BASP1: variants seen among roughly 807,000 people sequenced by gnomAD.
BASP1 encodes the protein brain abundant membrane attached signal protein 1, also known as brain acid soluble protein 1.
In BASP1, 1 loss-of-function variant was observed where a neutral mutation model predicts 2.2. That is an observed-to-expected ratio of 0.46 (90% confidence interval 0.16 to 2.17). BASP1 has a LOEUF of 2.17. BASP1 is among the 30% of genes most tolerant of loss of function. The pLI is 0.27. For synonymous variants in BASP1, 187 were observed against 154.2 expected (o/e 1.21, Z -1.58); for missense variants, 352 against 327.2 (o/e 1.08, Z -0.58).
chr5:17,227,179 T>C (rs913736509), intron 1 of BASP1, among the ~76,000 whole-genome samples: 1 of 151,668 alleles, frequency 6.6e-6, no homozygotes, highest in African/African-American at 2.4e-5. Flanking sequence ...TCCACCTGTC[T>C]TGGCCTCCCA....
At chr5:17,218,276 T>A (rs866411938) in intron 1 of BASP1, among the ~76,000 whole-genome samples, 2 of 13,754 alleles carry the variant, frequency 1.5e-4, no homozygotes, top group African/African-American at 5.6e-4. Flanking sequence ...AGATGGAGGG[T>A]GGGGGTGGGG....
In BASP1 at chr5:17,275,531, G is replaced by A. The variant is rs897016796; in HGVS notation, c.315G>A (p.Glu105=). The change falls in exon 2 of 2, where the codon GAG becomes GAA. Residue 105 remains glutamate (E), a synonymous_variant. Coordinates refer to ENST00000322611, the MANE Select transcript of BASP1 (RefSeq NM_006317.5). The surrounding 1 kb of genome is among the most constrained non-coding windows in gnomAD (Gnocchi z 5.3). ...AGGCTGAGCCCCCGAAGGCGCCCGA[G>A]CAGGAGCAGGCGGCCCCCGGCCCCG... ...EAKAEPPKAP[E]QEQAAPGPAA... is the part of the protein sequence containing the mutation. The A allele has an allele frequency of 1.1e-5, 16 of 1,423,454 alleles. No individual in the cohort carries two copies. The African/African-American group carries it at 1.8e-4, about 16-fold the overall frequency. The allele number at this position is 1,423,454 out of a possible 1,614,324, so 88.2% of individuals were successfully genotyped here.
chr5:17,247,681 C>T (rs1159478791), intron 1 of BASP1, among the ~76,000 whole-genome samples: 2 of 152,204 alleles, frequency 1.3e-5, no homozygotes, highest in Non-Finnish European at 2.9e-5. Context: ...CAGGACATAA[C>T]CTCTCAGCTG....
chr5:17,252,101 T>C (rs1367182439), intron 1 of BASP1, among the ~76,000 whole-genome samples: 1 of 152,078 alleles, frequency 6.6e-6, no homozygotes, highest in East Asian at 1.9e-4. Flanking sequence ...GGAGAGGAGC[T>C]TAGGTTGGGA....
intron 1 of BASP1, among the ~76,000 whole-genome samples, chr5:17,223,549 C>T (rs527905731): frequency 6.6e-6 from 1 of 152,280 alleles, no homozygotes; most frequent in Non-Finnish European, 1.5e-5. Flanking sequence ...GTTAAGAATA[C>T]GCTAAATACG....
chr5:17,220,940 G>A (rs1409620574), intron 1 of BASP1, among the ~76,000 whole-genome samples: 2 of 152,092 alleles, frequency 1.3e-5, no homozygotes, highest in Non-Finnish European at 2.9e-5. Flanking sequence ...GGATGTCTGT[G>A]TTATTTACGG....
chr5:17,231,282 T>C (rs1222373131), intron 1 of BASP1, among the ~76,000 whole-genome samples: 1 of 152,212 alleles, frequency 6.6e-6, no homozygotes, highest in Admixed American at 6.5e-5. Context: ...GCTTGTCTCC[T>C]GGAATTCCCC....
chr5:17,233,749 T>C lies in BASP1; in HGVS notation c.-10+15939T>C, dbSNP rs537551209. ...CTTTTGATGTGTGTTTCCAAGTAGA[T>C]GATATTTTCTTTTCTTTGTTTTTTT... On this transcript the variant is annotated intron_variant, in intron 1 of 1. Transcript: ENST00000322611. 9.9e-5 allele frequency among the ~76,000 whole-genome samples: 15 copies of C among 152,070 alleles called. No homozygotes were observed. The South Asian group carries it at 2.5e-3, about 25-fold the overall frequency.
chr5:17,274,790 C>T (rs904224206), intron 1 of BASP1, among the ~76,000 whole-genome samples: 1 of 152,210 alleles, frequency 6.6e-6, no homozygotes, highest in African/African-American at 2.4e-5. Context: ...TTGCAGAACT[C>T]ACTTAATTGA....
chr5:17,274,837 A>G (rs984036361), intron 1 of BASP1, among the ~76,000 whole-genome samples: 1 of 152,184 alleles, frequency 6.6e-6, no homozygotes, highest in African/African-American at 2.4e-5. Context: ...AAAATTTTTA[A>G]CTTTTAATTG....
In BASP1 at chr5:17,247,272, G is replaced by A. The variant is rs577783036; in HGVS notation, c.-9-27936G>A. Among the ~76,000 whole-genome samples the A allele has an allele frequency of 2.0e-5, 3 of 152,288 alleles. No individual in the cohort carries two copies. In the South Asian group the frequency reaches 6.2e-4, roughly 32 times the overall value. On this transcript the variant is annotated intron_variant, in intron 1 of 1. Coordinates refer to ENST00000322611, the MANE Select transcript of BASP1 (RefSeq NM_006317.5). ...TCTTTTAAATGTCAGTTGGATTTCC[G>A]AATGTTGGATTCTTAAAGTTCTGAA...
rs114248593 is a variant in BASP1, at chr5:17,238,415, G to A, written c.-10+20605G>A. Among the ~76,000 whole-genome samples the A allele has an allele frequency of 5.0e-3, 763 of 152,054 alleles. 9 individuals carry two copies. The highest frequency in any genetic ancestry group is 0.018 in the African/African-American group (728 of 41,450). ...ATGTTTATCTTGGAAATAATTTGAC[G>A]TCTATTTGATGAAACCTGTAGTTAA... On this transcript the variant is annotated intron_variant, in intron 1 of 1. Coordinates refer to ENST00000322611, the MANE Select transcript of BASP1 (RefSeq NM_006317.5).
chr5:17,242,813 G>A (rs1309003734), intron 1 of BASP1, among the ~76,000 whole-genome samples: 3 of 148,640 alleles, frequency 2.0e-5, no homozygotes, highest in Admixed American at 1.3e-4. Flanking sequence ...TTGAGGAGTC[G>A]AAGTAAGTCT....
rs1740291236 is a variant in BASP1 at position 17,260,361 on chromosome 5, T to A, written c.-9-14847T>A. The stretch of plus-strand genomic sequence containing the variant: ...ATCAAGTCAGGGTTTTATGGTTAAA[T>A]CTTGTAGAATCAATTGGGAGATTCA... On this transcript the variant is annotated intron_variant, in intron 1 of 1. Coordinates refer to ENST00000322611, the MANE Select transcript of BASP1 (RefSeq NM_006317.5). This position sits in a 1 kb window ranked among gnomAD's most constrained non-coding sequence, Gnocchi z 4.2. 6.6e-6 allele frequency among the ~76,000 whole-genome samples: 1 copy of A among 152,208 alleles called. No individual in the cohort carries two copies. Among genetic ancestry groups the A allele is most frequent in the Non-Finnish European group, 1.5e-5 (1 of 68,038 alleles).
chr5:17,237,891 A>C (rs1368759842), intron 1 of BASP1, among the ~76,000 whole-genome samples: 1 of 151,598 alleles, frequency 6.6e-6, no homozygotes, highest in African/African-American at 2.4e-5. Context: ...GATTACAGGC[A>C]TGAGCCACTG....
At chr5:17,258,309 C>T (rs1740254239) in intron 1 of BASP1, among the ~76,000 whole-genome samples, 2 of 152,284 alleles carry the variant, frequency 1.3e-5, no homozygotes, top group African/African-American at 4.8e-5. Context: ...TTGGGATTTT[C>T]ATGTTTCAGG....
intron 1 of BASP1, among the ~76,000 whole-genome samples, chr5:17,250,673 C>T (rs1460165148): frequency 2.0e-5 from 3 of 152,164 alleles, no homozygotes; most frequent in African/African-American, 7.2e-5. Context: ...GGCCCGATCT[C>T]GGCTCACTGT....
chr5:17,226,052 C>T (rs1024279384), intron 1 of BASP1, among the ~76,000 whole-genome samples: 1 of 152,128 alleles, frequency 6.6e-6, no homozygotes, highest in African/African-American at 2.4e-5. Context: ...TGATGAGACA[C>T]AATTTTAATT....
intron 1 of BASP1, among the ~76,000 whole-genome samples, chr5:17,273,924 T>C (rs1426096144): frequency 6.6e-6 from 1 of 152,208 alleles, no homozygotes; most frequent in African/African-American, 2.4e-5. Flanking sequence ...AAAAGCAACA[T>C]TTCAGTGGAT....
Sources: allele counts gnomAD v4.1 joint callset (sites outside exome capture counted in the v4.1 genomes callset), GRCh38; gene constraint gnomAD v4.1.1; non-coding constraint Gnocchi (gnomAD v3.1); transcripts MANE v1.5; gene names NCBI Gene and HGNC (gene_info 2026-07-23, HGNC 2026-07-21).